Variants in FAM3C observed in about 807,000 individuals in gnomAD.
FAM3C encodes FAM3 metabolism regulating signaling molecule C, also known as protein FAM3C.
FAM3C carries 15 observed loss-of-function variants against 32.5 expected under a neutral mutation model. The observed-to-expected ratio is 0.46, with a 90% CI of 0.31 to 0.71. The LOEUF (loss-of-function observed/expected upper bound fraction) is 0.71. Ranked by LOEUF, FAM3C falls within the 30% of genes least tolerant of loss-of-function variation. The probability of loss-of-function intolerance (pLI) is 0.05; values close to 1 mark genes in which losing one functional copy is unlikely to be tolerated. For synonymous variants in FAM3C, 75 were observed against 86.1 expected (o/e 0.87, Z 0.72); for missense variants, 175 against 274.4 (o/e 0.64, Z 2.56).
intron 3 of FAM3C, among the ~76,000 whole-genome samples, chr7:121,375,318 T>C (rs945670497): frequency 2.0e-5 from 3 of 151,752 alleles, no homozygotes; most frequent in African/African-American, 7.3e-5. Context: ...AAGGTCAGGG[T>C]TGAAAGGACA....
intron 1 of FAM3C, among the ~76,000 whole-genome samples, chr7:121,385,140 C>A (rs1794440759): frequency 6.6e-6 from 1 of 151,898 alleles, no homozygotes; most frequent in Admixed American, 6.6e-5. Context: ...AACTCTAAAT[C>A]TAGAGGCAAC....
In FAM3C at chr7:121,361,922, C is replaced by G. The variant is rs140053467; in HGVS notation, c.382+975G>C. On this transcript the variant is annotated intron_variant, in intron 7 of 9. Transcript: ENST00000359943. ...TCCATCTCCTGACGTCGTGATCTGC[C>G]TGCCTCGGCCTCCCGAAGTGCTGGG... Among the ~76,000 whole-genome samples, 564 of 152,302 alleles carry G rather than the reference C, an allele frequency of 3.7e-3. 2 individuals carry two copies. The highest frequency in any genetic ancestry group is 0.013 in the African/African-American group (550 of 41,572).
At chr7:121,350,913 T>C (rs1166030498) in intron 9 of FAM3C, among the ~76,000 whole-genome samples, 2 of 152,186 alleles carry the variant, frequency 1.3e-5, no homozygotes, top group Non-Finnish European at 2.9e-5. Flanking sequence ...GGTAATCCTA[T>C]TCCAATGCAT....
chr7:121,366,172 A>T (rs1217021246), intron 5 of FAM3C, among the ~76,000 whole-genome samples: 1 of 152,226 alleles, frequency 6.6e-6, no homozygotes, highest in African/African-American at 2.4e-5. Context: ...GTTACCACCT[A>T]AAACAAAATC....
At chr7:121,382,369 AAC>A (rs1265406682) in intron 2 of FAM3C, among the ~76,000 whole-genome samples, 1 of 152,124 alleles carries the variant, frequency 6.6e-6, no homozygotes, top group Non-Finnish European at 1.5e-5. Flanking sequence ...ACTGAGCAAA[AAC>A]ACATATTTTA....
chr7:121,375,491 G>C (rs1323176337), intron 3 of FAM3C, among the ~76,000 whole-genome samples: 8 of 152,166 alleles, frequency 5.3e-5, no homozygotes, highest in African/African-American at 1.7e-4. Flanking sequence ...AAATACTAAA[G>C]ATTGTTGAGT....
chr7:121,354,133 T>A (rs1415327269), intron 8 of FAM3C, among the ~76,000 whole-genome samples: 2 of 152,178 alleles, frequency 1.3e-5, no homozygotes, highest in East Asian at 3.9e-4. Context: ...TCATGTAACA[T>A]AGCCAGTATT....
chr7:121,390,850 G>GGGT (rs1794560231), intron 1 of FAM3C, among the ~76,000 whole-genome samples: 2 of 31,038 alleles, frequency 6.4e-5, no homozygotes, highest in African/African-American at 1.6e-4. Context: ...AGGCTGTGTG[G>GGGT]GGCGGGGGGG....
chr7:121,371,296 T>G lies in FAM3C; in HGVS notation c.272+4A>C. The stretch of plus-strand genomic sequence containing the variant: ...CTTATCGTCTCAAGTCAACAAAGAC[T>G]TACACATTATCTTCCAGGCAGATTT... On this transcript the variant is annotated splice_donor_region_variant and intron_variant, in intron 5 of 9. Coordinates refer to ENST00000359943, the MANE Select transcript of FAM3C (RefSeq NM_014888.3). 1 of 1,612,610 alleles carries G rather than the reference T, an allele frequency of 6.2e-7. No individual in the cohort carries two copies. The highest frequency in any genetic ancestry group is 8.5e-7 in the Non-Finnish European group (1 of 1,179,778).
intron 1 of FAM3C, among the ~76,000 whole-genome samples, chr7:121,391,439 A>G (rs910896297): frequency 8.5e-5 from 13 of 152,198 alleles, no homozygotes; most frequent in Admixed American, 7.9e-4. Context: ...GGGGTAATGA[A>G]GTGTCCCACT....
intron 5 of FAM3C, among the ~76,000 whole-genome samples, chr7:121,367,517 T>C (rs955794555): frequency 1.3e-5 from 2 of 152,130 alleles, no homozygotes; most frequent in African/African-American, 4.8e-5. Context: ...CATTGATCCC[T>C]TGTTAAAAAA....
intron 5 of FAM3C, among the ~76,000 whole-genome samples, chr7:121,367,772 C>G (rs747020318): frequency 1.3e-5 from 2 of 152,054 alleles, no homozygotes; most frequent in Admixed American, 6.6e-5. Flanking sequence ...TTCAAGACCA[C>G]CTTGGGCAAC....
chr7:121,367,530 AT>A (rs1794047318), intron 5 of FAM3C, among the ~76,000 whole-genome samples: 10 of 152,238 alleles, frequency 6.6e-5, no homozygotes, highest in Admixed American at 5.9e-4. Context: ...TTAAAAAAAA[AT>A]CCCTCAAAAT....
At chr7:121,396,357 G>C (rs1327661448), upstream of FAM3C, 6 of 152,168 alleles carry the variant, frequency 3.9e-5, no homozygotes, top group African/African-American at 1.2e-4. Flanking sequence ...ACGCTTCCCG[G>C]CCGCGACCAA....
intron 9 of FAM3C, among the ~76,000 whole-genome samples, 174 bp from the exon 10 acceptor site, chr7:121,350,724 G>C (rs949060987): frequency 7.9e-5 from 12 of 152,170 alleles, no homozygotes; most frequent in Non-Finnish European, 1.5e-5. Flanking sequence ...ATACATGGCA[G>C]ACCTTCAAAT....
chr7:121,380,593 C>G (rs754213961), intron 2 of FAM3C, among the ~76,000 whole-genome samples: 3 of 151,960 alleles, frequency 2.0e-5, no homozygotes, highest in Non-Finnish European at 4.4e-5. Context: ...AACTACCTAT[C>G]AGGTACTATG....
chr7:121,352,628 A>C (rs936873139), intron 8 of FAM3C, among the ~76,000 whole-genome samples: 1 of 152,264 alleles, frequency 6.6e-6, no homozygotes, highest in South Asian at 2.1e-4. Flanking sequence ...CTTCACATGA[A>C]ATCTGTGCAT....
intron 1 of FAM3C, among the ~76,000 whole-genome samples, chr7:121,384,573 T>C (rs73440261): frequency 0.015 from 2,210 of 152,288 alleles, 45 homozygotes; most frequent in African/African-American, 0.049. Flanking sequence ...TCTATTTCAC[T>C]GTTTCCATGG....
intron 5 of FAM3C, among the ~76,000 whole-genome samples, chr7:121,365,001 A>C (rs1205517297): frequency 1.3e-5 from 2 of 152,154 alleles, no homozygotes; most frequent in African/African-American, 4.8e-5. Flanking sequence ...TAGGAGAGAG[A>C]GGCAATATGC....
Sources: allele counts gnomAD v4.1 joint callset (sites outside exome capture counted in the v4.1 genomes callset), GRCh38; gene constraint gnomAD v4.1.1; transcripts MANE v1.5; gene names NCBI Gene and HGNC (gene_info 2026-07-23, HGNC 2026-07-21).